TRIM39: variants seen among roughly 807,000 people sequenced by gnomAD.
The protein encoded by TRIM39 is E3 ubiquitin-protein ligase TRIM39.
Under a neutral mutation model 53.6 loss-of-function variants are expected in TRIM39, and 5 were observed. The ratio of observed to expected loss-of-function variants is 0.09; its 90% CI spans 0.05 to 0.20. TRIM39 has a LOEUF of 0.20. TRIM39 is among the 10% of genes least tolerant of loss of function. The pLI is 1.00. For missense variants in TRIM39, 310 were observed against 621.0 expected, an observed-to-expected ratio of 0.50 and a Z score of 5.32; for synonymous variants, 196 against 237.6, an observed-to-expected ratio of 0.82 and a Z score of 1.61.
At chr6:30,329,850 C>T (rs1036520530) in intron 3 of TRIM39, 80 bp downstream of exon 3, 36 of 1,510,388 alleles carry the variant, frequency 2.4e-5, no homozygotes, top group Middle Eastern at 4.8e-4. Context: ...AGGTAGAGAT[C>T]GTAAGCTCCT....
intron 4 of TRIM39, among the ~76,000 whole-genome samples, chr6:30,331,359 A>C (rs183823200): frequency 1.3e-5 from 2 of 152,230 alleles, no homozygotes; most frequent in Non-Finnish European, 2.9e-5. Context: ...GTCATTAAAC[A>C]TTGTACTTAA....
intron 4 of TRIM39, among the ~76,000 whole-genome samples, 194 bp downstream of exon 4, chr6:30,331,070 G>C (rs944146329): frequency 6.6e-6 from 1 of 152,174 alleles, no homozygotes; most frequent in African/African-American, 2.4e-5. Flanking sequence ...AGGAGTTTGA[G>C]ACCACCCTGG....
In TRIM39 at chr6:30,342,364, G is replaced by C; in HGVS notation, c.*105G>C. The stretch of plus-strand genomic sequence containing the variant: ...TTCGTGTCCACCTGGGTCCAGTCCT[G>C]AATCATCTTGGAGAAACACCTTGGT... On this transcript the variant is annotated 3_prime_UTR_variant, in exon 8 of 8. Transcript: ENST00000396551. This position sits in a 1 kb window ranked among gnomAD's most constrained non-coding sequence, Gnocchi z 4.7. The C allele has an allele frequency of 6.5e-6, 8 of 1,233,748 alleles. No individual in the cohort carries two copies. Among genetic ancestry groups the C allele is most frequent in the Non-Finnish European group, 9.2e-6 (8 of 872,940 alleles). 76.4% of individuals were successfully genotyped at this position (1,233,748 alleles called of 1,614,324 possible).
Position 30,328,640 on chromosome 6 carries a change from C to CTT in TRIM39, c.-160-238_-160-237dup, listed in dbSNP as rs565272336. 5.9e-3 allele frequency among the ~76,000 whole-genome samples: 854 copies of CTT among 144,132 alleles called. 1 individual carries two copies. The highest frequency in any genetic ancestry group is 0.034 in the Middle Eastern group (9 of 268). The allele number at this position is 144,132 out of a possible 152,430, so 94.6% of individuals were successfully genotyped here. A position where few individuals can be genotyped will look rare whatever the true frequency, so the allele number is the denominator to read the frequency against. On this transcript the variant is annotated intron_variant, in intron 1 of 7. Transcript: ENST00000396551. ...TGATAGAACAAAAGTTATGCATGGA[C>CTT]TTTTTTTTTTTTAAGCTTATCAGCT...
chr6:30,330,694 G>A, intron 3 of TRIM39, 87 bp from the exon 4 acceptor site: 4 of 1,425,268 alleles, frequency 2.8e-6, no homozygotes, highest in Non-Finnish European at 3.9e-6. Flanking sequence ...CAAATAAATG[G>A]TTTAAAACAA....
chr6:30,329,045 A>G lies in TRIM39; in HGVS notation c.-8+4A>G. On this transcript the variant is annotated splice_donor_region_variant and intron_variant, in intron 2 of 7. Transcript: ENST00000396551. Reference sequence around the variant, plus strand: ...TTTCTAACAAGAGAAAGCAGAGGTAAGAGACAAGATAGATCAATTGGGGGT... The same window carrying G: ...TTTCTAACAAGAGAAAGCAGAGGTAGGAGACAAGATAGATCAATTGGGGGT... 1 of 447,158 alleles carries G rather than the reference A, an allele frequency of 2.2e-6. No individual in the cohort carries two copies. Among genetic ancestry groups the G allele is most frequent in the Non-Finnish European group, 3.9e-6 (1 of 253,630 alleles). 27.7% of individuals were successfully genotyped at this position (447,158 alleles called of 1,614,324 possible). A position where few individuals can be genotyped will look rare whatever the true frequency, so the allele number is the denominator to read the frequency against.
At chr6:30,336,146 C>A in intron 5 of TRIM39, 171 bp downstream of exon 5, 1 of 941,308 alleles carries the variant, frequency 1.1e-6, no homozygotes, top group African/African-American at 1.6e-5. Context: ...TTTCTCCCAT[C>A]CCCTTCTAAC....
At chr6:30,330,911 A>T in intron 4 of TRIM39, 35 bp downstream of exon 4, 1 of 1,608,022 alleles carries the variant, frequency 6.2e-7, no homozygotes, top group Non-Finnish European at 8.5e-7. Flanking sequence ...GCTGCTCTGA[A>T]GGGTATTTGC....
chr6:30,336,047 G>A (rs756663148), intron 5 of TRIM39, 72 bp downstream of exon 5: 2 of 1,581,620 alleles, frequency 1.3e-6, no homozygotes, highest in Non-Finnish European at 1.7e-6. Flanking sequence ...GGATTTGTCA[G>A]CCTGGGATAC....
chr6:30,328,451 A>C (rs996276068), intron 1 of TRIM39, among the ~76,000 whole-genome samples: 1 of 152,246 alleles, frequency 6.6e-6, no homozygotes, highest in African/African-American at 2.4e-5. Context: ...GATGGATAAA[A>C]GGAAGAATAA....
At position 30,341,911 on chromosome 6, in the gene TRIM39, C is replaced by T. The variant is rs182918258; in HGVS notation, c.1119C>T (p.Thr373=). ...GGGAGGTGGAGGTGGGCGACAAGAC[C>T]CACTGGGCAGTGGGTGTATGCCGGG... The change falls in exon 8 of 8, where the codon ACC becomes ACT. Residue 373 remains threonine, a synonymous_variant. Coordinates refer to ENST00000396551, the Ensembl canonical transcript of TRIM39. The T allele has an allele frequency of 1.5e-4, 243 of 1,613,018 alleles. 1 individual carries two copies. In the Admixed American group the frequency reaches 4.0e-3, roughly 27 times the overall value.
rs148705441 is a variant in TRIM39, at chr6:30,340,318, C to T, written c.804-187C>T. The T allele has an allele frequency of 3.1e-4, 503 of 1,612,974 alleles. No individual in the cohort carries two copies. Among genetic ancestry groups the T allele is most frequent in the Non-Finnish European group, 3.8e-4 (452 of 1,179,996 alleles). On this transcript the variant is annotated intron_variant, in intron 6 of 7. Transcript: ENST00000396551. ...AGGCTCACTCTCAACGATCTGTCCA[C>T]GGGATCATAAGGCTCTCCTTGGATT...
At chr6:30,341,207 C>CAAA (rs113344801) in intron 7 of TRIM39, among the ~76,000 whole-genome samples, 1 of 72,508 alleles carries the variant, frequency 1.4e-5, no homozygotes, top group Non-Finnish European at 3.0e-5. Context: ...GATTCCATCT[C>CAAA]AAAAAAAAAA....
chr6:30,340,389 G>A, intron 6 of TRIM39, 116 bp from the exon 7 acceptor site: 2 of 1,611,172 alleles, frequency 1.2e-6, no homozygotes, highest in Non-Finnish European at 1.7e-6. Flanking sequence ...GAGGAAGAAA[G>A]TGGGAAGATG....
rs1218705481 is a variant in TRIM39, at chr6:30,338,366, GAAC to G, written c.781-1540_781-1538del. Among the ~76,000 whole-genome samples, 3 of 151,808 alleles carry G rather than the reference GAAC, an allele frequency of 2.0e-5. No individual in the cohort carries two copies. Among genetic ancestry groups the G allele is most frequent in the Non-Finnish European group, 4.4e-5 (3 of 67,968 alleles). On this transcript the variant is annotated intron_variant, in intron 5 of 7. Transcript: ENST00000396551. This position sits in a 1 kb window ranked among gnomAD's most constrained non-coding sequence, Gnocchi z 4.0. ...GAGACATGTGATTCTTCTTTCACAT[GAAC>G]ACTTAGAGGCCATTGCAGGATTATT...
At chr6:30,334,414 T>G (rs1786607968) in intron 4 of TRIM39, among the ~76,000 whole-genome samples, 1 of 152,176 alleles carries the variant, frequency 6.6e-6, no homozygotes, top group Admixed American at 6.6e-5. Context: ...TATTATCAAA[T>G]TTCAGGAATG....
chr6:30,327,206 C>T (rs992716999), intron 1 of TRIM39: 3 of 152,718 alleles, frequency 2.0e-5, no homozygotes, highest in African/African-American at 7.2e-5. Context: ...GTTCCCCCGT[C>T]CCGCTGCTGC....
At chr6:30,341,953 G>A (rs1452809529) in exon 8 of TRIM39, 18 of 1,613,062 alleles carry the variant, frequency 1.1e-5, no homozygotes, top group Non-Finnish European at 1.5e-5. Flanking sequence ...TGAGCCGAAA[G>A]GGCGAGTTGA....
chr6:30,342,441 A>G lies in TRIM39; in HGVS notation c.*182A>G. The G allele has an allele frequency of 1.5e-6, 1 of 646,014 alleles. No individual in the cohort carries two copies. Among genetic ancestry groups the G allele is most frequent in the East Asian group, 2.7e-5 (1 of 36,572 alleles). The allele number at this position is 646,014 out of a possible 1,614,324, so 40.0% of individuals were successfully genotyped here. A position where few individuals can be genotyped will look rare whatever the true frequency, so the allele number is the denominator to read the frequency against. ...GAGGTAGGACTGGGCTGGATGAGAG[A>G]GCACAGCTGTGACTTCCTCCTAACT... On this transcript the variant is annotated 3_prime_UTR_variant, in exon 8 of 8. Coordinates refer to ENST00000396551, the Ensembl canonical transcript of TRIM39. This position sits in a 1 kb window ranked among gnomAD's most constrained non-coding sequence, Gnocchi z 4.7.
Sources: gnomAD v4.1 joint callset for allele counts (sites outside exome capture counted in the v4.1 genomes callset) on GRCh38, gnomAD v4.1.1 for gene constraint, Gnocchi (gnomAD v3.1) non-coding constraint, MANE v1.5 for transcripts, NCBI Gene and HGNC (gene_info 2026-07-23, HGNC 2026-07-21) for gene names.